Variants in ROBO2 observed in about 807,000 individuals in gnomAD.
ROBO2 encodes the protein roundabout guidance receptor 2.
A neutral mutation model predicts 160.8 loss-of-function variants in ROBO2; 53 were observed. The observed-to-expected ratio is 0.33, with a 90% CI of 0.26 to 0.41. The LOEUF (loss-of-function observed/expected upper bound fraction) is 0.41, where lower values mean the gene tolerates loss of function less well. Among genes scored for constraint, ROBO2 ranks in the 10% least tolerant of loss-of-function variants. The pLI is 1.00. For missense variants in ROBO2, 1,577 were observed against 1,722.4 expected, an observed-to-expected ratio of 0.92 and a Z score of 1.49; for synonymous variants, 664 against 611.7, an observed-to-expected ratio of 1.09 and a Z score of -1.26.
chr3:75,932,646 TC>T (rs1204826343), intron 1 of ROBO2, among the ~76,000 whole-genome samples: 1 of 152,184 alleles, frequency 6.6e-6, no homozygotes, highest in Non-Finnish European at 1.5e-5. Context: ...GATGCCTGGT[TC>T]TTGTGGGGCA....
At chr3:76,973,439 A>T in intron 2 of ROBO2, among the ~76,000 whole-genome samples, 1 of 152,108 alleles carries the variant, frequency 6.6e-6, no homozygotes, top group East Asian at 1.9e-4. Flanking sequence ...TCAAGTTATA[A>T]CATTATATTA....
chr3:77,222,874 G>C (rs995265681), intron 2 of ROBO2, among the ~76,000 whole-genome samples: 1 of 152,204 alleles, frequency 6.6e-6, no homozygotes, highest in African/African-American at 2.4e-5. Context: ...GACATCTGGT[G>C]TACAAAGCAC....
At chr3:76,796,748 A>G (rs1054610078) in intron 2 of ROBO2, among the ~76,000 whole-genome samples, 21 of 152,126 alleles carry the variant, frequency 1.4e-4, no homozygotes, top group African/African-American at 5.1e-4. Flanking sequence ...AAATAAAGAG[A>G]TGAAAAAAGA....
At chr3:77,396,868 G>C (rs1253623157) in intron 2 of ROBO2, among the ~76,000 whole-genome samples, 1 of 152,062 alleles carries the variant, frequency 6.6e-6, no homozygotes, top group Non-Finnish European at 1.5e-5. Context: ...GAACCTATAA[G>C]TAGAACAATT....
chr3:76,458,671 A>C (rs2077915653), intron 2 of ROBO2, among the ~76,000 whole-genome samples: 1 of 152,160 alleles, frequency 6.6e-6, no homozygotes. Context: ...GACTGAGAAG[A>C]AAAAGGAGGT....
At chr3:76,380,720 A>G (rs981052513) in intron 2 of ROBO2, among the ~76,000 whole-genome samples, 2 of 152,100 alleles carry the variant, frequency 1.3e-5, no homozygotes, top group South Asian at 2.1e-4. Flanking sequence ...GTCAAACGTT[A>G]TATGTGGATT....
At chr3:77,523,701 C>T (rs1251563881) in intron 6 of ROBO2, among the ~76,000 whole-genome samples, 1 of 151,266 alleles carries the variant, frequency 6.6e-6, no homozygotes, top group African/African-American at 2.4e-5. Context: ...CACACTAATT[C>T]TTGAAACAGA....
At position 76,635,141 on chromosome 3, in the gene ROBO2, C is replaced by A. The variant is rs568886021; in HGVS notation, c.110-462873C>A. Among the ~76,000 whole-genome samples the A allele has an allele frequency of 5.9e-5, 9 of 152,232 alleles. No individual in the cohort carries two copies. The East Asian group carries it at 1.7e-3, about 29-fold the overall frequency. On this transcript the variant is annotated intron_variant, in intron 2 of 26. Coordinates refer to the ROBO2 transcript ENST00000487694. ...TAATATCGGTGTTGTTATTGGAGTTCTTACTTGGGTTTTGCTGCCGTATGA... is the reference window on the plus strand; with the variant it reads ...TAATATCGGTGTTGTTATTGGAGTTATTACTTGGGTTTTGCTGCCGTATGA...
intron 2 of ROBO2, among the ~76,000 whole-genome samples, chr3:76,622,237 A>AAGAAAGAAAGAAAGAAAGAAG (rs1578621790): frequency 6.5e-4 from 26 of 40,230 alleles, no homozygotes; most frequent in South Asian, 2.6e-3. Context: ...GAAGGAAGGA[A>AAGAAAGAAAGAAAGAAAGAAG]GAAAGAAAGA....
chr3:76,011,509 TTTC>T (rs2066193559), intron 2 of ROBO2, among the ~76,000 whole-genome samples: 1 of 152,224 alleles, frequency 6.6e-6, no homozygotes, highest in Non-Finnish European at 1.5e-5. Flanking sequence ...GTAAAATCAC[TTTC>T]TTTATACGAG....
chr3:76,398,895 A>G (rs1390509748), intron 2 of ROBO2, among the ~76,000 whole-genome samples: 4 of 151,834 alleles, frequency 2.6e-5, no homozygotes, highest in African/African-American at 4.8e-5. Context: ...AAGAAGGTAC[A>G]TATTTGATGG....
chr3:76,720,607 A>G (rs2093449959), intron 2 of ROBO2, among the ~76,000 whole-genome samples: 1 of 152,246 alleles, frequency 6.6e-6, no homozygotes, highest in African/African-American at 2.4e-5. Context: ...AAGGCAGCAT[A>G]CTTATTTTTA....
intron 2 of ROBO2, among the ~76,000 whole-genome samples, chr3:76,470,661 C>T (rs950190257): frequency 6.6e-6 from 1 of 152,088 alleles, no homozygotes; most frequent in Non-Finnish European, 1.5e-5. Flanking sequence ...CATATTATAA[C>T]TTTCACTATA....
exon 14 of ROBO2, chr3:77,574,619 G>A (rs1454153543): frequency 4.3e-6 from 7 of 1,613,380 alleles, no homozygotes; most frequent in Non-Finnish European, 5.1e-6. Context: ...ACGAAGTGCT[G>A]TCTTAGTCAA....
chr3:77,369,106 G>T (rs918577345), intron 2 of ROBO2, among the ~76,000 whole-genome samples: 4 of 152,152 alleles, frequency 2.6e-5, no homozygotes, highest in African/African-American at 9.7e-5. Flanking sequence ...TTAGAGCAAT[G>T]TTGTCTAAGG....
intron 2 of ROBO2, among the ~76,000 whole-genome samples, chr3:76,258,155 T>C (rs1706521410): frequency 6.6e-6 from 1 of 150,680 alleles, no homozygotes; most frequent in East Asian, 1.9e-4. Context: ...AACTAAACAC[T>C]TTTTTTTTCC....
At chr3:76,299,883 A>G (rs1709270859) in intron 2 of ROBO2, among the ~76,000 whole-genome samples, 1 of 152,328 alleles carries the variant, frequency 6.6e-6, no homozygotes, top group African/African-American at 2.4e-5. Context: ...CAACAAAAAC[A>G]ATGAAATTGT....
chr3:77,608,363 C>T (rs181616935), intron 21 of ROBO2, among the ~76,000 whole-genome samples: 85 of 152,292 alleles, frequency 5.6e-4, no homozygotes, highest in African/African-American at 1.9e-3. Context: ...CATAGCAGGG[C>T]GCCACTGTAG....
intron 2 of ROBO2, among the ~76,000 whole-genome samples, chr3:77,424,430 G>T (rs2077993381): frequency 3.3e-5 from 5 of 152,070 alleles, no homozygotes; most frequent in Admixed American, 3.3e-4. Flanking sequence ...ATACTTGTTG[G>T]CTTTCTTATT....
Sources: allele counts gnomAD v4.1 joint callset (sites outside exome capture counted in the v4.1 genomes callset), GRCh38; gene constraint gnomAD v4.1.1; transcripts MANE v1.5; gene names NCBI Gene and HGNC (gene_info 2026-07-23, HGNC 2026-07-21).